The following ADAMTS12 variants were observed in gnomAD, a reference collection of about 807,000 sequenced individuals.
The protein encoded by ADAMTS12 is A disintegrin and metalloproteinase with thrombospondin motifs 12.
ADAMTS12 carries 118 observed loss-of-function variants against 167.8 expected under a neutral mutation model. That is an observed-to-expected ratio of 0.70 (90% confidence interval 0.61 to 0.82). ADAMTS12 has a LOEUF of 0.82. Among genes scored for constraint, ADAMTS12 ranks in the 40% least tolerant of loss-of-function variants. ADAMTS12 has a pLI of 0.00. For synonymous variants in ADAMTS12, 704 were observed against 716.9 expected (o/e 0.98, Z 0.29); for missense variants, 1,916 against 1,998.8 (o/e 0.96, Z 0.79).
chr5:33,775,898 T>C (rs1745896488), intron 2 of ADAMTS12, among the ~76,000 whole-genome samples: 1 of 152,178 alleles, frequency 6.6e-6, no homozygotes, highest in Non-Finnish European at 1.5e-5. Context: ...GTGAAGGGAT[T>C]AGGCCGAAGG....
rs907391108 is a variant in ADAMTS12 at position 33,523,935 on chromosome 5, G to A, written c.*3253C>T. ...GTCCCAAAGATTCATCTTGAAGTCAGAAAGGAGAAGAGCTAAGACCTGCAC... is the reference window on the plus strand; with the variant it reads ...GTCCCAAAGATTCATCTTGAAGTCAAAAAGGAGAAGAGCTAAGACCTGCAC... On this transcript the variant is annotated 3_prime_UTR_variant, in exon 24 of 24. Transcript: ENST00000504830. 1 of 152,234 alleles carries A rather than the reference G, an allele frequency of 6.6e-6. No homozygotes were observed. The highest frequency in any genetic ancestry group is 2.4e-5 in the African/African-American group (1 of 41,452). The allele number at this position is 152,234 out of a possible 1,614,324, so 9.4% of individuals were successfully genotyped here.
chr5:33,873,185 C>T (rs1233341858), intron 2 of ADAMTS12, among the ~76,000 whole-genome samples: 1 of 120,838 alleles, frequency 8.3e-6, no homozygotes, highest in African/African-American at 3.1e-5. Flanking sequence ...AAAAAAAAAA[C>T]ACTCCTGAAA....
At chr5:33,812,448 C>A (rs1478931398) in intron 2 of ADAMTS12, among the ~76,000 whole-genome samples, 1 of 152,192 alleles carries the variant, frequency 6.6e-6, no homozygotes, top group Non-Finnish European at 1.5e-5. Flanking sequence ...ACACAGAGAA[C>A]ATACCAAGTT....
Position 33,549,306 on chromosome 5 carries a change from C to T in ADAMTS12, c.4203G>A (p.Arg1401=), listed in dbSNP as rs77799285. 7.9e-4 allele frequency: 1,275 copies of T among 1,614,220 alleles called. 6 individuals carry two copies. The highest frequency in any genetic ancestry group is 7.0e-3 in the South Asian group (639 of 91,088). Residue 1401 remains arginine (R), a synonymous_variant, in exon 21 of 24, where the codon AGG becomes AGA. Coordinates refer to ENST00000504830, the MANE Select transcript of ADAMTS12 (RefSeq NM_030955.4). ...CVDSRDHRNL[R]PFHCQFLAGI... ...CGGCCAGGAACTGGCAGTGAAATGG[C>T]CTCAGGTTCCGGTGGTCCCGGCTGT... is the stretch of plus-strand genomic sequence containing the variant.
At chr5:33,867,630 A>G (rs1749874898) in intron 2 of ADAMTS12, among the ~76,000 whole-genome samples, 1 of 152,126 alleles carries the variant, frequency 6.6e-6, no homozygotes, top group Admixed American at 6.6e-5. Context: ...ACACACACAC[A>G]CACAGCACAA....
intron 16 of ADAMTS12, among the ~76,000 whole-genome samples, chr5:33,608,157 A>T (rs1738538161): frequency 6.6e-6 from 1 of 152,218 alleles, no homozygotes; most frequent in Non-Finnish European, 1.5e-5. Flanking sequence ...CCTTTGTAAC[A>T]TTCTTTAGAA....
intron 16 of ADAMTS12, among the ~76,000 whole-genome samples, chr5:33,610,935 T>C (rs1738700205): frequency 6.6e-6 from 1 of 151,918 alleles, no homozygotes; most frequent in South Asian, 2.1e-4. Flanking sequence ...GATGTGATGG[T>C]GCATGCCTGT....
chr5:33,890,696 T>A (rs1320169599), intron 1 of ADAMTS12, among the ~76,000 whole-genome samples: 1 of 152,186 alleles, frequency 6.6e-6, no homozygotes, highest in Non-Finnish European at 1.5e-5. Flanking sequence ...TGCGTGTGCA[T>A]GCGTGTGGGT....
intron 2 of ADAMTS12, among the ~76,000 whole-genome samples, chr5:33,827,043 AAATT>A (rs1384287688): frequency 6.7e-6 from 1 of 148,230 alleles, no homozygotes; most frequent in Non-Finnish European, 1.5e-5. Flanking sequence ...TCATCCACAA[AAATT>A]AATGTCTATG....
intron 16 of ADAMTS12, among the ~76,000 whole-genome samples, chr5:33,609,027 C>T (rs1373590318): frequency 6.6e-6 from 1 of 152,068 alleles, no homozygotes; most frequent in Admixed American, 6.6e-5. Flanking sequence ...GCAGTTATAG[C>T]CATCCACATT....
intron 2 of ADAMTS12, among the ~76,000 whole-genome samples, chr5:33,812,637 GTTTGACT>G (rs1747504528): frequency 1.3e-5 from 2 of 152,288 alleles, no homozygotes; most frequent in African/African-American, 4.8e-5. Context: ...CAACTCTTGT[GTTTGACT>G]TTTTTCATTC....
chr5:33,578,697 A>C (rs984270293), intron 18 of ADAMTS12, among the ~76,000 whole-genome samples: 4 of 152,240 alleles, frequency 2.6e-5, no homozygotes, highest in African/African-American at 9.6e-5. Context: ...AAGTAGGAAC[A>C]TAATATTGAC....
intron 3 of ADAMTS12, among the ~76,000 whole-genome samples, chr5:33,687,875 C>G (rs574814547): frequency 1.6e-4 from 24 of 152,168 alleles, no homozygotes; most frequent in Non-Finnish European, 2.9e-4. Context: ...TTCTTTGGGT[C>G]AGGTGAGGGG....
chr5:33,781,331 A>G (rs1275818984), intron 2 of ADAMTS12, among the ~76,000 whole-genome samples: 1 of 152,186 alleles, frequency 6.6e-6, no homozygotes, highest in East Asian at 1.9e-4. Context: ...AGAAATACCA[A>G]GAAGTCATCT....
At chr5:33,543,916 GC>G (rs1744831141) in intron 22 of ADAMTS12, among the ~76,000 whole-genome samples, 1 of 152,038 alleles carries the variant, frequency 6.6e-6, no homozygotes, top group Admixed American at 6.6e-5. Flanking sequence ...TACTGAATAG[GC>G]AAAAACTGGA....
At chr5:33,643,215 A>T (rs567872084) in intron 10 of ADAMTS12, among the ~76,000 whole-genome samples, 163 bp downstream of exon 10, 1 of 152,186 alleles carries the variant, frequency 6.6e-6, no homozygotes, top group Admixed American at 6.5e-5. Flanking sequence ...CAGGTTCACC[A>T]GGAGTGGTGG....
Position 33,857,422 on chromosome 5 carries a change from CAA to C in ADAMTS12, c.489+23695_489+23696del, listed in dbSNP as rs201346294. ...GGGTAGATTTTAAGTGCTCTCATCA[CAA>C]AAAAAAAAAAGAAAATGGTAAAATG... On this transcript the variant is annotated intron_variant, in intron 2 of 23. Coordinates refer to ENST00000504830, the MANE Select transcript of ADAMTS12 (RefSeq NM_030955.4). 3.3e-5 allele frequency among the ~76,000 whole-genome samples: 4 copies of C among 120,474 alleles called. No homozygotes were observed. In the South Asian group the frequency reaches 7.9e-4, roughly 24 times the overall value. 79.0% of individuals were successfully genotyped at this position (120,474 alleles called of 152,430 possible).
chr5:33,853,031 TCCCCAGGGTGCACTGCTGTCAG>T (rs1298094712), intron 2 of ADAMTS12, among the ~76,000 whole-genome samples: 1 of 152,170 alleles, frequency 6.6e-6, no homozygotes, highest in Middle Eastern at 3.2e-3. Flanking sequence ...ACCCCTGCCG[TCCCCAGGGTGCACTGCTGTCAG>T]CAGCCCTGTC....
chr5:33,891,279 G>A (rs538665823), intron 1 of ADAMTS12, among the ~76,000 whole-genome samples: 3 of 152,202 alleles, frequency 2.0e-5, no homozygotes, highest in East Asian at 3.9e-4. Flanking sequence ...GCTCAGTAGG[G>A]GGGAAGAATC....
Sources: allele counts gnomAD v4.1 joint callset (sites outside exome capture counted in the v4.1 genomes callset), GRCh38; gene constraint gnomAD v4.1.1; transcripts MANE v1.5; gene names NCBI Gene and HGNC (gene_info 2026-07-23, HGNC 2026-07-21).